CCDC80: variants seen among roughly 807,000 people sequenced by gnomAD.
CCDC80 encodes coiled-coil domain-containing protein 80.
Under a neutral mutation model 78.7 loss-of-function variants are expected in CCDC80, and 49 were observed. The ratio of observed to expected loss-of-function variants is 0.62; its 90% CI spans 0.50 to 0.79. The LOEUF is 0.79. Among genes scored for constraint, CCDC80 ranks in the 30% least tolerant of loss-of-function variants. The pLI is 0.00. For synonymous variants in CCDC80, 488 were observed against 447.0 expected, an observed-to-expected ratio of 1.09 and a Z score of -1.16; for missense variants, 1,205 against 1,198.6, an observed-to-expected ratio of 1.01 and a Z score of -0.08.
intron 1 of CCDC80, 81 bp from the exon 2 acceptor site, chr3:112,639,997 C>A (rs1394182050): frequency 1.4e-6 from 2 of 1,477,050 alleles, no homozygotes; most frequent in African/African-American, 2.8e-5. Context: ...CAGAGCTGGT[C>A]ATTTTCTTTT....
chr3:112,601,233 CAA>C lies in CCDC80; in HGVS notation c.*4182_*4183del, dbSNP rs1394699306. Reference sequence around the variant, plus strand: ...CATTTTTACTGTCATTTATTTATAACAAAGTTCAGATATAAAGAAAAATCTGA... The same window carrying C: ...CATTTTTACTGTCATTTATTTATAACAGTTCAGATATAAAGAAAAATCTGA... On this transcript the variant is annotated 3_prime_UTR_variant, in exon 8 of 8. Coordinates refer to ENST00000206423, the MANE Select transcript of CCDC80 (RefSeq NM_199511.3). The C allele has an allele frequency of 6.6e-6, 1 of 152,110 alleles. No individual in the cohort carries two copies. The allele number at this position is 152,110 out of a possible 1,614,324, so 9.4% of individuals were successfully genotyped here.
In CCDC80 at chr3:112,597,296, T is replaced by A. The variant is rs1388011662; in HGVS notation, c.*8121A>T. The A allele has an allele frequency of 6.6e-6, 1 of 152,086 alleles. No individual in the cohort carries two copies. Among genetic ancestry groups the A allele is most frequent in the Admixed American group, 6.6e-5 (1 of 15,254 alleles). 9.4% of individuals were successfully genotyped at this position (152,086 alleles called of 1,614,324 possible). A position where few individuals can be genotyped will look rare whatever the true frequency, so the allele number is the denominator to read the frequency against. Reference sequence around the variant, plus strand: ...AGCTAAGTGGGTAAGAAAGAAAAAATAAAGGCAGAGCATAACGATGTCACC... The same window carrying A: ...AGCTAAGTGGGTAAGAAAGAAAAAAAAAAGGCAGAGCATAACGATGTCACC... On this transcript the variant is annotated 3_prime_UTR_variant, in exon 8 of 8. Coordinates refer to ENST00000206423, the MANE Select transcript of CCDC80 (RefSeq NM_199511.3).
chr3:112,630,357 G>T, intron 2 of CCDC80, 88 bp from the exon 3 acceptor site: 1 of 1,275,446 alleles, frequency 7.8e-7, no homozygotes. Flanking sequence ...TGGAAGAGAG[G>T]GCTGGTAGTG....
At chr3:112,618,937 G>A in intron 4 of CCDC80, 31 bp downstream of exon 4, 3 of 1,600,906 alleles carry the variant, frequency 1.9e-6, no homozygotes, top group South Asian at 1.1e-5. Context: ...CTAAGAAATA[G>A]TACTACATTA....
At chr3:112,630,078 A>G (rs1321282278) in intron 3 of CCDC80, 35 bp downstream of exon 3, 2 of 1,599,028 alleles carry the variant, frequency 1.3e-6, no homozygotes, top group African/African-American at 2.7e-5. Flanking sequence ...TAGATATGAG[A>G]AAAACAATAA....
At chr3:112,607,483 AAG>A (rs1386864966) in intron 6 of CCDC80, among the ~76,000 whole-genome samples, 2 of 152,208 alleles carry the variant, frequency 1.3e-5, no homozygotes, top group Non-Finnish European at 2.9e-5. Context: ...AATGACAAAA[AAG>A]AAAAGAAAAG....
intron 3 of CCDC80, among the ~76,000 whole-genome samples, chr3:112,628,053 C>T (rs1172012707): frequency 6.6e-6 from 1 of 152,140 alleles, no homozygotes; most frequent in African/African-American, 2.4e-5. Flanking sequence ...AATGAGAACA[C>T]TTTGTGAAAG....
chr3:112,627,914 T>C (rs1010642420), intron 3 of CCDC80, among the ~76,000 whole-genome samples: 14 of 149,124 alleles, frequency 9.4e-5, no homozygotes, highest in African/African-American at 2.9e-4. Context: ...TCATATTCAA[T>C]CCAGATGTCT....
At chr3:112,607,290 A>G (rs750425997) in intron 6 of CCDC80, 34 bp from the exon 7 acceptor site, 8 of 1,529,956 alleles carry the variant, frequency 5.2e-6, no homozygotes, top group Non-Finnish European at 7.2e-6. Context: ...GGATTAGAGG[A>G]AAGGATTAGA....
At chr3:112,622,822 A>ATTTTTTTTTTTT (rs373170477) in intron 3 of CCDC80, among the ~76,000 whole-genome samples, 468 of 118,800 alleles carry the variant, frequency 3.9e-3, no homozygotes, top group Middle Eastern at 8.9e-3. Context: ...TGCCCAGCTA[A>ATTTTTTTTTTTT]TTTTTTTTTT....
rs559328309 is a variant in CCDC80 at position 112,640,721 on chromosome 3, T to C, written c.-406A>G. On this transcript the variant is annotated 5_prime_UTR_variant, in exon 1 of 8. Transcript: ENST00000206423. The stretch of plus-strand genomic sequence containing the variant: ...AAGTCCAGTCCTGGCGATTTCTGAA[T>C]CTCACTCTTTCCCTCTTTAAAGTTC... The C allele has an allele frequency of 6.6e-6, 1 of 152,114 alleles. No homozygotes were observed. The highest frequency in any genetic ancestry group is 1.5e-5 in the Non-Finnish European group (1 of 68,028). The allele number at this position is 152,114 out of a possible 1,614,324, so 9.4% of individuals were successfully genotyped here.
chr3:112,626,802 C>G (rs1395219200), intron 3 of CCDC80, among the ~76,000 whole-genome samples: 1 of 152,186 alleles, frequency 6.6e-6, no homozygotes, highest in Non-Finnish European at 1.5e-5. Context: ...CCTACGTCGG[C>G]CTCCCAAAGT....
chr3:112,606,334 T>C (rs1935495360), intron 7 of CCDC80, among the ~76,000 whole-genome samples: 1 of 152,268 alleles, frequency 6.6e-6, no homozygotes, highest in South Asian at 2.1e-4. Flanking sequence ...ACACATTATT[T>C]AAAGAGCTTG....
In CCDC80 at chr3:112,602,899, G is replaced by A. The variant is rs1248693514; in HGVS notation, c.*2518C>T. On this transcript the variant is annotated 3_prime_UTR_variant, in exon 8 of 8. Transcript: ENST00000206423. ...CACTAAACAATAGATTTTCAAAAGA[G>A]ATGAAACAGCCTTATATTGGAAGAA... The A allele has an allele frequency of 6.5e-6, 1 of 153,598 alleles. No individual in the cohort carries two copies. The highest frequency in any genetic ancestry group is 2.4e-5 in the African/African-American group (1 of 41,458). The allele number at this position is 153,598 out of a possible 1,614,324, so 9.5% of individuals were successfully genotyped here.
rs182649323 is a variant in CCDC80 at position 112,609,780 on chromosome 3, G to A, written c.2425+198C>T. 6.5e-4 allele frequency among the ~76,000 whole-genome samples: 97 copies of A among 148,276 alleles called. 1 individual carries two copies. In the South Asian group the frequency reaches 0.01, roughly 16 times the overall value. Reference sequence around the variant, plus strand: ...GAACTAGAGAGGAGAGAATATTGAGGGAAAAAAAAATCCACAGTTGACTAA... The same window carrying A: ...GAACTAGAGAGGAGAGAATATTGAGAGAAAAAAAAATCCACAGTTGACTAA... On this transcript the variant is annotated intron_variant, in intron 6 of 7. Transcript: ENST00000206423.
In CCDC80 at chr3:112,605,368, T is replaced by G. The variant is rs754016560; in HGVS notation, c.*49A>C. The G allele has an allele frequency of 9.0e-5, 120 of 1,335,940 alleles. 1 individual carries two copies. Among genetic ancestry groups the G allele is most frequent in the Non-Finnish European group, 1.2e-4 (114 of 952,114 alleles). 82.8% of individuals were successfully genotyped at this position (1,335,940 alleles called of 1,614,324 possible). On this transcript the variant is annotated 3_prime_UTR_variant, in exon 8 of 8. Coordinates refer to ENST00000206423, the MANE Select transcript of CCDC80 (RefSeq NM_199511.3). ...AGAATGGAGCTGGCCACATGTAGTT[T>G]TAGCAGCTGCAGAGGAAACTGGCTG...
At chr3:112,616,988 T>G in intron 4 of CCDC80, 130 bp from the exon 5 acceptor site, 1 of 895,924 alleles carries the variant, frequency 1.1e-6, no homozygotes, top group Non-Finnish European at 1.7e-6. Flanking sequence ...AGAAGATTCA[T>G]TGCTTCATAA....
In CCDC80 at chr3:112,601,685, GA is replaced by G. The variant is rs1245964700; in HGVS notation, c.*3731del. The G allele has an allele frequency of 3.9e-4, 28 of 72,306 alleles. No individual in the cohort carries two copies. The highest frequency in any genetic ancestry group is 4.4e-4 in the Non-Finnish European group (14 of 31,536). 4.5% of individuals were successfully genotyped at this position (72,306 alleles called of 1,614,324 possible). A position where few individuals can be genotyped will look rare whatever the true frequency, so the allele number is the denominator to read the frequency against. On this transcript the variant is annotated 3_prime_UTR_variant, in exon 8 of 8. Transcript: ENST00000206423. ...CAGAGTGAGACCCTCTCCAAAAAAA[GA>G]AAAAAAAAAAGAGAAAAAAAAGAAG...
chr3:112,602,139 T>A lies in CCDC80; in HGVS notation c.*3278A>T. On this transcript the variant is annotated 3_prime_UTR_variant, in exon 8 of 8. Coordinates refer to ENST00000206423, the MANE Select transcript of CCDC80 (RefSeq NM_199511.3). Reference sequence around the variant, plus strand: ...CACTGTTTCATTATTATCTCTGTTATTAAAATCTGTAGTCAACGATCTTTG... The same window carrying A: ...CACTGTTTCATTATTATCTCTGTTAATAAAATCTGTAGTCAACGATCTTTG... 1 of 152,336 alleles carries A rather than the reference T, an allele frequency of 6.6e-6. No homozygotes were observed. Among genetic ancestry groups the A allele is most frequent in the South Asian group, 2.1e-4 (1 of 4,830 alleles). The allele number at this position is 152,336 out of a possible 1,614,324, so 9.4% of individuals were successfully genotyped here.
Sources: allele counts gnomAD v4.1 joint callset (sites outside exome capture counted in the v4.1 genomes callset), GRCh38; gene constraint gnomAD v4.1.1; transcripts MANE v1.5; gene names NCBI Gene and HGNC (gene_info 2026-07-23, HGNC 2026-07-21).